The following STK32B variants were observed in gnomAD, a reference collection of about 807,000 sequenced individuals.
STK32B encodes serine/threonine kinase 32B, also known as serine/threonine-protein kinase 32B.
Under a neutral mutation model 52.6 loss-of-function variants are expected in STK32B, and 43 were observed. The observed-to-expected ratio is 0.82, with a 90% confidence interval of 0.64 to 1.05. The LOEUF is 1.05. Among genes scored for constraint, STK32B ranks in the 50% least tolerant of loss-of-function variants. The pLI is 0.00. For synonymous variants in STK32B, 238 were observed against 204.3 expected (o/e 1.17, Z -1.41); for missense variants, 621 against 534.6 (o/e 1.16, Z -1.59).
intron 4 of STK32B, among the ~76,000 whole-genome samples, chr4:5,337,910 T>G (rs1200588593): frequency 6.6e-6 from 1 of 152,180 alleles, no homozygotes; most frequent in Non-Finnish European, 1.5e-5. Context: ...GAAGGATGAC[T>G]AAGTCTCCTG....
chr4:5,043,876 C>T, the STK32B span, among the ~76,000 whole-genome samples: 1 of 152,232 alleles, frequency 6.6e-6, no homozygotes, highest in South Asian at 2.1e-4. Context: ...CAGTGTCTGA[C>T]ACATAACACA....
chr4:5,314,617 C>T (rs961245944), intron 3 of STK32B, among the ~76,000 whole-genome samples: 5 of 152,160 alleles, frequency 3.3e-5, no homozygotes, highest in African/African-American at 7.2e-5. Context: ...TTGCAGTGAG[C>T]CGAAATCACG....
intron 11 of STK32B, among the ~76,000 whole-genome samples, chr4:5,484,522 T>C (rs1481032191): frequency 6.6e-6 from 1 of 152,206 alleles, no homozygotes; most frequent in Non-Finnish European, 1.5e-5. Context: ...AGCACACGGA[T>C]AGGTCTTGAC....
Position 5,251,207 on chromosome 4 carries a change from G to A in STK32B, c.261-80013G>A, listed in dbSNP as rs529390136. ...TAGTTTTAGGTTTTACATTTAAGTC[G>A]TTAATCCATCTTGTGTTGGTTTTTG... On this transcript the variant is annotated intron_variant, in intron 3 of 11. Transcript: ENST00000282908. Among the ~76,000 whole-genome samples, 6 of 152,168 alleles carry A rather than the reference G, an allele frequency of 3.9e-5. No individual in the cohort carries two copies. In the South Asian group the frequency reaches 8.3e-4, roughly 21 times the overall value.
intron 3 of STK32B, among the ~76,000 whole-genome samples, chr4:5,216,023 T>G (rs938793443): frequency 2.6e-5 from 4 of 152,216 alleles, no homozygotes; most frequent in African/African-American, 9.6e-5. Context: ...ATTCTAGTTT[T>G]GCTTTTTGTG....
chr4:5,296,279 C>T (rs1729192337), intron 3 of STK32B, among the ~76,000 whole-genome samples: 1 of 152,054 alleles, frequency 6.6e-6, no homozygotes, highest in Non-Finnish European at 1.5e-5. Flanking sequence ...CTATTAGGTT[C>T]ACTTGGTCTA....
At chr4:5,026,111 T>C in the STK32B span, among the ~76,000 whole-genome samples, 1 of 152,216 alleles carries the variant, frequency 6.6e-6, no homozygotes, top group Non-Finnish European at 1.5e-5. Flanking sequence ...CAGCTGCCCA[T>C]TGCTTAAGTA....
At chr4:5,249,497 T>TC (rs1725756134) in intron 3 of STK32B, among the ~76,000 whole-genome samples, 2 of 116,068 alleles carry the variant, frequency 1.7e-5, no homozygotes, top group Non-Finnish European at 3.5e-5. Flanking sequence ...CTTCCTTCCT[T>TC]CCTTCCTCCC....
At chr4:5,081,474 T>A (rs1389687321) in intron 1 of STK32B, among the ~76,000 whole-genome samples, 1 of 152,174 alleles carries the variant, frequency 6.6e-6, no homozygotes, top group Non-Finnish European at 1.5e-5. Flanking sequence ...TTCTCTCTCC[T>A]TTTTCATCCT....
chr4:5,106,046 T>C (rs1714088887), intron 1 of STK32B, among the ~76,000 whole-genome samples: 1 of 151,172 alleles, frequency 6.6e-6, no homozygotes, highest in African/African-American at 2.4e-5. Flanking sequence ...CTCATTCCTT[T>C]AATCCCAGCA....
rs1716070253 is a variant in STK32B at position 5,136,255 on chromosome 4, A to T, written c.53-3650A>T. On this transcript the variant is annotated intron_variant, in intron 1 of 11. Transcript: ENST00000282908. Reference sequence around the variant, plus strand: ...GCCAATGTGTTGTTCCATTGTCTTCATGATGCCTGGCAAGGCAGGTGCCAC... The same window carrying T: ...GCCAATGTGTTGTTCCATTGTCTTCTTGATGCCTGGCAAGGCAGGTGCCAC... Among the ~76,000 whole-genome samples the T allele has an allele frequency of 2.0e-5, 3 of 152,222 alleles. No homozygotes were observed. The South Asian group carries it at 6.2e-4, about 31-fold the overall frequency.
intron 4 of STK32B, among the ~76,000 whole-genome samples, chr4:5,331,816 C>T (rs528176679): frequency 6.6e-6 from 1 of 152,214 alleles, no homozygotes; most frequent in Admixed American, 6.5e-5. Context: ...CTTAGGAAGC[C>T]TCAGTGCTGG....
At chr4:5,450,257 C>T (rs985285673) in intron 7 of STK32B, among the ~76,000 whole-genome samples, 4 of 152,164 alleles carry the variant, frequency 2.6e-5, no homozygotes, top group African/African-American at 7.2e-5. Context: ...TTTTGGTGCC[C>T]CAGTCACCCT....
At chr4:5,213,220 G>A (rs1328902100) in intron 3 of STK32B, among the ~76,000 whole-genome samples, 6 of 152,098 alleles carry the variant, frequency 3.9e-5, no homozygotes, top group African/African-American at 9.7e-5. Context: ...TGTTGGCCCT[G>A]ACAGCTTCTG....
intron 3 of STK32B, among the ~76,000 whole-genome samples, chr4:5,317,295 A>AATATATAACATATAAAAT (rs1560313702): frequency 2.6e-5 from 1 of 37,872 alleles, no homozygotes; most frequent in Non-Finnish European, 3.9e-5. Context: ...ACATATATAT[A>AATATATAACATATAAAAT]ATATATAATA....
chr4:5,470,294 G>T lies in STK32B; in HGVS notation c.1106+2224G>T, dbSNP rs1382437217. Among the ~76,000 whole-genome samples the T allele has an allele frequency of 6.6e-6, 1 of 152,200 alleles. No homozygotes were observed. The highest frequency in any genetic ancestry group is 1.5e-5 in the Non-Finnish European group (1 of 68,040). Reference sequence around the variant, plus strand: ...CCTGTGGACACCCCTGAGATTTGCAGTCAGCCTATGGACACCATTGAGATT... The same window carrying T: ...CCTGTGGACACCCCTGAGATTTGCATTCAGCCTATGGACACCATTGAGATT... On this transcript the variant is annotated intron_variant, in intron 11 of 11. Transcript: ENST00000282908. This position sits in a 1 kb window ranked among gnomAD's most constrained non-coding sequence, Gnocchi z 4.6.
In STK32B at chr4:5,405,760, G is replaced by C. The variant is rs150412803; in HGVS notation, c.472+7516G>C. ...TCATTATTATGAGAACAGCAAAAGA[G>C]AAATCCACCCTTAGGATCCAATCAC... On this transcript the variant is annotated intron_variant, in intron 5 of 11. Coordinates refer to ENST00000282908, the MANE Select transcript of STK32B (RefSeq NM_018401.3). 2.4e-3 allele frequency among the ~76,000 whole-genome samples: 358 copies of C among 152,116 alleles called. 3 individuals are homozygous for C. Among genetic ancestry groups the C allele is most frequent in the African/African-American group, 8.2e-3 (338 of 41,470 alleles).
chr4:5,453,215 A>G lies in STK32B; in HGVS notation c.667-3592A>G, dbSNP rs1716162290. Among the ~76,000 whole-genome samples, 1 of 130,374 alleles carries G rather than the reference A, an allele frequency of 7.7e-6. No individual in the cohort carries two copies. The highest frequency in any genetic ancestry group is 7.6e-5 in the Admixed American group (1 of 13,116). 85.5% of individuals were successfully genotyped at this position (130,374 alleles called of 152,430 possible). On this transcript the variant is annotated intron_variant, in intron 7 of 11. Transcript: ENST00000282908. The surrounding 1 kb of genome is among the most constrained non-coding windows in gnomAD (Gnocchi z 4.0). ...TGCCTCCAGAAGGAGAGAGAATTACAGAGATTAGGGAGAGAGAGAGAGAGA... is the reference window on the plus strand; with the variant it reads ...TGCCTCCAGAAGGAGAGAGAATTACGGAGATTAGGGAGAGAGAGAGAGAGA...
chr4:5,132,973 A>G (rs1715869385), intron 1 of STK32B, among the ~76,000 whole-genome samples: 1 of 151,608 alleles, frequency 6.6e-6, no homozygotes, highest in Non-Finnish European at 1.5e-5. Context: ...TAATTTTTGT[A>G]TTTTTAGGAG....
Sources: allele counts gnomAD v4.1 joint callset (sites outside exome capture counted in the v4.1 genomes callset), GRCh38; gene constraint gnomAD v4.1.1; non-coding constraint Gnocchi (gnomAD v3.1); transcripts MANE v1.5; gene names NCBI Gene and HGNC (gene_info 2026-07-23, HGNC 2026-07-21).